The following HABP2 variants were observed in gnomAD, a reference collection of about 807,000 sequenced individuals.
HABP2 encodes the protein factor VII-activating protease.
HABP2 carries 65 observed loss-of-function variants against 66.5 expected under a neutral mutation model. The ratio of observed to expected loss-of-function variants is 0.98; its 90% CI spans 0.80 to 1.20. The LOEUF (loss-of-function observed/expected upper bound fraction) is 1.20. Among genes scored for constraint, HABP2 ranks in the 50% most tolerant of loss-of-function variants. The pLI, the probability that HABP2 is intolerant of heterozygous loss-of-function variation, is 0.00. For missense variants in HABP2, 786 were observed against 691.0 expected (o/e 1.14, Z -1.54); for synonymous variants, 263 against 253.9 (o/e 1.04, Z -0.34).
intron 1 of HABP2, among the ~76,000 whole-genome samples, chr10:113,561,976 T>C (rs1845107960): frequency 6.6e-6 from 1 of 152,126 alleles, no homozygotes. Flanking sequence ...TAACCAACCT[T>C]AACCTGGGAG....
intron 1 of HABP2, among the ~76,000 whole-genome samples, chr10:113,564,651 AAT>A (rs1785262791): frequency 6.6e-6 from 1 of 152,184 alleles, no homozygotes; most frequent in South Asian, 2.1e-4. Flanking sequence ...GTTATTTTGT[AAT>A]TTTTTAAACC....
At chr10:113,570,366 A>G (rs1348051195) in intron 2 of HABP2, among the ~76,000 whole-genome samples, 1 of 152,238 alleles carries the variant, frequency 6.6e-6, no homozygotes, top group Non-Finnish European at 1.5e-5. Flanking sequence ...GGATACTCTC[A>G]TGATTCTTCC....
At chr10:113,583,800 A>G (rs1232830452) in intron 10 of HABP2, among the ~76,000 whole-genome samples, 1 of 152,198 alleles carries the variant, frequency 6.6e-6, no homozygotes, top group African/African-American at 2.4e-5. Context: ...TGACGTTCCT[A>G]GCTACCAGCT....
intron 5 of HABP2, 28 bp from the exon 6 acceptor site, chr10:113,577,998 C>T (rs762276904): frequency 6.2e-7 from 1 of 1,610,920 alleles, no homozygotes. Context: ...TCTGAAGAGC[C>T]TTCCTGGCCC....
At chr10:113,575,004 G>A (rs973176423) in intron 3 of HABP2, among the ~76,000 whole-genome samples, 4 of 144,230 alleles carry the variant, frequency 2.8e-5, no homozygotes, top group African/African-American at 7.8e-5. Flanking sequence ...TTTTGTTTTT[G>A]TGGCTTCTTA....
intron 12 of HABP2, 60 bp from the exon 13 acceptor site, chr10:113,588,145 G>C (rs984101623): frequency 5.7e-6 from 8 of 1,394,552 alleles, no homozygotes; most frequent in African/African-American, 5.7e-5. Flanking sequence ...GGAGAGAGGT[G>C]GGGGCATCTC....
intron 1 of HABP2, among the ~76,000 whole-genome samples, chr10:113,562,519 A>G (rs1205042503): frequency 3.5e-5 from 5 of 141,860 alleles, no homozygotes; most frequent in Non-Finnish European, 7.5e-5. Context: ...ATCTCTGCTC[A>G]CTGCAGCCTC....
intron 1 of HABP2, among the ~76,000 whole-genome samples, chr10:113,557,614 C>T (rs1264804707): frequency 6.6e-6 from 1 of 152,134 alleles, no homozygotes; most frequent in Non-Finnish European, 1.5e-5. Flanking sequence ...GGGGTTGGTG[C>T]GCCATGCCTG....
intron 1 of HABP2, among the ~76,000 whole-genome samples, chr10:113,559,606 G>T (rs1275147384): frequency 1.3e-5 from 2 of 152,214 alleles, no homozygotes; most frequent in East Asian, 3.8e-4. Context: ...GCCCACCTCA[G>T]ACCCATGGAC....
At chr10:113,576,047 C>A in intron 4 of HABP2, 43 bp downstream of exon 4, 1 of 1,030,154 alleles carries the variant, frequency 9.7e-7, no homozygotes, top group Non-Finnish European at 1.5e-6. Flanking sequence ...CTGAGTTAAA[C>A]AAGAGGCAGT....
chr10:113,587,527 G>A (rs1050913385), intron 12 of HABP2, among the ~76,000 whole-genome samples: 8 of 152,122 alleles, frequency 5.3e-5, no homozygotes, highest in African/African-American at 1.7e-4. Flanking sequence ...TCACAAGGTC[G>A]TGGCTAAGTT....
At chr10:113,576,924 A>G (rs1398334162) in intron 4 of HABP2, among the ~76,000 whole-genome samples, 1 of 152,150 alleles carries the variant, frequency 6.6e-6, no homozygotes, top group Non-Finnish European at 1.5e-5. Flanking sequence ...TTTTTTTATT[A>G]AGATATAAAA....
In HABP2 at chr10:113,553,103, A is replaced by G. The variant is rs1193764976; in HGVS notation, c.-19A>G. 3.1e-6 allele frequency: 5 copies of G among 1,603,382 alleles called. No individual in the cohort carries two copies. The highest frequency in any genetic ancestry group is 4.3e-6 in the Non-Finnish European group (5 of 1,170,314). On this transcript the variant is annotated 5_prime_UTR_variant, in exon 1 of 13. Coordinates refer to ENST00000351270, the MANE Select transcript of HABP2 (RefSeq NM_004132.5). Reference sequence around the variant, plus strand: ...AGAAATTTTATTGAGAGGAAAACACAAGTCCTTAAACTGCAAAGATGTTTG... The same window carrying G: ...AGAAATTTTATTGAGAGGAAAACACGAGTCCTTAAACTGCAAAGATGTTTG...
At chr10:113,580,961 C>T (rs1845517351) in intron 8 of HABP2, among the ~76,000 whole-genome samples, 2 of 152,206 alleles carry the variant, frequency 1.3e-5, no homozygotes, top group Admixed American at 1.3e-4. Context: ...AGATATTTAC[C>T]CATCTCTTGC....
chr10:113,575,681 C>T (rs1398846710), intron 3 of HABP2, among the ~76,000 whole-genome samples: 3 of 152,208 alleles, frequency 2.0e-5, no homozygotes, highest in African/African-American at 7.2e-5. Context: ...CTTCTCGCCT[C>T]TCCTCTCACT....
intron 1 of HABP2, among the ~76,000 whole-genome samples, chr10:113,557,789 T>G (rs1009417009): frequency 2.0e-5 from 3 of 152,274 alleles, no homozygotes; most frequent in Non-Finnish European, 4.4e-5. Flanking sequence ...CAACCACGTA[T>G]GAAGTCTTTA....
intron 1 of HABP2, among the ~76,000 whole-genome samples, chr10:113,564,229 A>G (rs1592685609): frequency 6.6e-6 from 1 of 152,156 alleles, no homozygotes; most frequent in African/African-American, 2.4e-5. Context: ...AGAACAGCAC[A>G]GGAAAAACAC....
At chr10:113,586,680 T>C (rs746736779) in intron 12 of HABP2, among the ~76,000 whole-genome samples, 1 of 152,000 alleles carries the variant, frequency 6.6e-6, no homozygotes, top group Non-Finnish European at 1.5e-5. Context: ...TCTGTAGGGA[T>C]CACATCACAC....
At position 113,588,754 on chromosome 10, in the gene HABP2, ACACTCGAGG is replaced by A; in HGVS notation, c.*391_*399del. On this transcript the variant is annotated 3_prime_UTR_variant, in exon 13 of 13. Transcript: ENST00000351270. ...ATCACATCTTTATTCCTCAGCCCAG[ACACTCGAGG>A]CACTCAACAGAATCAGCCATCCACG... is the stretch of plus-strand genomic sequence containing the variant. 1.8e-6 allele frequency: 1 copy of A among 567,886 alleles called. No individual in the cohort carries two copies. Among genetic ancestry groups the A allele is most frequent in the African/African-American group, 1.9e-5 (1 of 53,544 alleles). The allele number at this position is 567,886 out of a possible 1,614,324, so 35.2% of individuals were successfully genotyped here.
Sources: gnomAD v4.1 joint callset for allele counts (sites outside exome capture counted in the v4.1 genomes callset) on GRCh38, gnomAD v4.1.1 for gene constraint, MANE v1.5 for transcripts, NCBI Gene and HGNC (gene_info 2026-07-23, HGNC 2026-07-21) for gene names.